The following FBXW4 variants were observed in gnomAD, a reference collection of about 807,000 sequenced individuals.
The protein encoded by FBXW4 is F-box and WD repeat domain containing 4.
FBXW4 carries 40 observed loss-of-function variants against 61.8 expected under a neutral mutation model. The ratio of observed to expected loss-of-function variants is 0.65; its 90% CI spans 0.50 to 0.84. FBXW4 has a LOEUF of 0.84. Ranked by LOEUF, FBXW4 falls within the 40% of genes least tolerant of loss-of-function variation. FBXW4 has a pLI of 0.00. For missense variants in FBXW4, 672 were observed against 753.8 expected, an observed-to-expected ratio of 0.89 and a Z score of 1.27; for synonymous variants, 311 against 313.8, an observed-to-expected ratio of 0.99 and a Z score of 0.10.
intron 5 of FBXW4, among the ~76,000 whole-genome samples, chr10:101,664,466 T>G (rs1326544605): frequency 6.6e-6 from 1 of 152,204 alleles, no homozygotes; most frequent in Non-Finnish European, 1.5e-5. Context: ...TCCCCTCATA[T>G]TTTCCATGAG....
intron 5 of FBXW4, among the ~76,000 whole-genome samples, chr10:101,631,784 C>T (rs931760370): frequency 5.3e-5 from 8 of 152,128 alleles, no homozygotes; most frequent in Admixed American, 1.3e-4. Context: ...CATGCCACCA[C>T]GCCTGGCTAA....
At chr10:101,692,720 C>T (rs530222440) in intron 1 of FBXW4, among the ~76,000 whole-genome samples, 132 of 121,142 alleles carry the variant, frequency 1.1e-3, no homozygotes, top group African/African-American at 3.9e-3. Flanking sequence ...CACTCCAGCC[C>T]GGGCAACAAG....
At position 101,632,267 on chromosome 10, in the gene FBXW4, G is replaced by A. The variant is rs114260478; in HGVS notation, c.1236-7457C>T. Among the ~76,000 whole-genome samples, 178 of 152,172 alleles carry A rather than the reference G, an allele frequency of 1.2e-3. 1 individual carries two copies. Among genetic ancestry groups the A allele is most frequent in the African/African-American group, 4.0e-3 (166 of 41,510 alleles). On this transcript the variant is annotated intron_variant, in intron 5 of 8. Transcript: ENST00000331272. ...CAACCCAAGTGCATCAGGGCAGGAT[G>A]GTGCAAGTAGGTGCCTAGGTCAGGC...
intron 5 of FBXW4, among the ~76,000 whole-genome samples, chr10:101,658,966 A>AC (rs890038892): frequency 3.3e-4 from 50 of 152,152 alleles, no homozygotes; most frequent in African/African-American, 1.1e-3. Context: ...CATAAGTCAG[A>AC]CAGGGCTACA....
chr10:101,683,914 G>A (rs2064504841), intron 1 of FBXW4, among the ~76,000 whole-genome samples: 1 of 152,154 alleles, frequency 6.6e-6, no homozygotes, highest in Admixed American at 6.5e-5. Context: ...GCCAAGGAGG[G>A]GAAAACAGGG....
At chr10:101,617,452 C>G (rs915623356) in intron 6 of FBXW4, among the ~76,000 whole-genome samples, 1 of 152,184 alleles carries the variant, frequency 6.6e-6, no homozygotes, top group Non-Finnish European at 1.5e-5. Context: ...GTGAGAGAAT[C>G]AAGGGGACAG....
intron 1 of FBXW4, among the ~76,000 whole-genome samples, chr10:101,685,735 T>C (rs762350589): frequency 3.2e-4 from 48 of 152,226 alleles, no homozygotes; most frequent in Non-Finnish European, 5.4e-4. Context: ...TTTAATGTAC[T>C]ATCAAAAATT....
intron 1 of FBXW4, among the ~76,000 whole-genome samples, chr10:101,681,101 G>A (rs1564925777): frequency 6.6e-6 from 1 of 152,104 alleles, no homozygotes; most frequent in Non-Finnish European, 1.5e-5. Context: ...TAAATAACAG[G>A]TCTAGGCTGG....
At position 101,611,181 on chromosome 10, in the gene FBXW4, C is replaced by T. The variant is rs1475880810; in HGVS notation, c.*110G>A. 25 of 1,439,578 alleles carry T rather than the reference C, an allele frequency of 1.7e-5. No individual in the cohort carries two copies. The highest frequency in any genetic ancestry group is 2.7e-5 in the South Asian group (2 of 74,304). 89.2% of individuals were successfully genotyped at this position (1,439,578 alleles called of 1,614,324 possible). ...GGTGCCTGAGCACTGGGGTCACAGG[C>T]CCAGGAGCACAGTGGGGCAGTGAGG... On this transcript the variant is annotated 3_prime_UTR_variant, in exon 9 of 9. Transcript: ENST00000331272. This position sits in a 1 kb window ranked among gnomAD's most constrained non-coding sequence, Gnocchi z 4.9.
chr10:101,651,606 C>T (rs527529856), intron 5 of FBXW4, among the ~76,000 whole-genome samples: 34 of 152,196 alleles, frequency 2.2e-4, no homozygotes, highest in African/African-American at 7.7e-4. Flanking sequence ...TCTCTGCCCC[C>T]CTCCTTCCCT....
chr10:101,627,296 AGAGG>A (rs1197614023), intron 5 of FBXW4, among the ~76,000 whole-genome samples: 1 of 152,202 alleles, frequency 6.6e-6, no homozygotes, highest in African/African-American at 2.4e-5. Flanking sequence ...AGGAGAAAAA[AGAGG>A]GAGAGAAAGC....
At chr10:101,629,405 C>A (rs1422853170) in intron 5 of FBXW4, among the ~76,000 whole-genome samples, 1 of 151,924 alleles carries the variant, frequency 6.6e-6, no homozygotes, top group Non-Finnish European at 1.5e-5. Context: ...TGCCTCAGCA[C>A]CCCCAGTAGC....
At chr10:101,615,529 T>C (rs1283745709) in intron 6 of FBXW4, among the ~76,000 whole-genome samples, 1 of 151,974 alleles carries the variant, frequency 6.6e-6, no homozygotes, top group Non-Finnish European at 1.5e-5. Flanking sequence ...GCTCTGACCG[T>C]GTGCAGGCTG....
intron 1 of FBXW4, among the ~76,000 whole-genome samples, chr10:101,681,388 C>CAAAAA (rs769305940): frequency 7.5e-6 from 1 of 134,178 alleles, no homozygotes; most frequent in Non-Finnish European, 1.6e-5. Flanking sequence ...AACTCCGTCT[C>CAAAAA]AAAAAAAAAA....
At chr10:101,622,162 A>AAG (rs1259202764) in intron 6 of FBXW4, among the ~76,000 whole-genome samples, 2 of 152,064 alleles carry the variant, frequency 1.3e-5, no homozygotes, top group Non-Finnish European at 2.9e-5. Flanking sequence ...TTTCAAAAAA[A>AAG]AAAAAAAAAG....
chr10:101,639,422 T>C (rs1177572697), intron 5 of FBXW4, among the ~76,000 whole-genome samples: 1 of 152,238 alleles, frequency 6.6e-6, no homozygotes, highest in Non-Finnish European at 1.5e-5. Flanking sequence ...GTTTAAGAGT[T>C]GGTAGCCAAG....
intron 6 of FBXW4, among the ~76,000 whole-genome samples, chr10:101,616,679 G>A (rs544054887): frequency 4.6e-5 from 7 of 152,352 alleles, no homozygotes; most frequent in African/African-American, 1.7e-4. Flanking sequence ...AGGCTGTTTT[G>A]GCGGCAGCTG....
chr10:101,622,155 C>CAAAAAAAAAAAAAA (rs147071681), intron 6 of FBXW4, among the ~76,000 whole-genome samples: 1 of 99,412 alleles, frequency 1.0e-5, no homozygotes. Flanking sequence ...ATGGATTTTT[C>CAAAAAAAAAAAAAA]AAAAAAAAAA....
intron 5 of FBXW4, among the ~76,000 whole-genome samples, chr10:101,646,770 G>T (rs994906108): frequency 1.3e-5 from 2 of 152,168 alleles, no homozygotes; most frequent in Non-Finnish European, 1.5e-5. Context: ...AAAGGTTTGG[G>T]GGTTTTACAT....
Sources: gnomAD v4.1 joint callset for allele counts (sites outside exome capture counted in the v4.1 genomes callset) on GRCh38, gnomAD v4.1.1 for gene constraint, Gnocchi (gnomAD v3.1) non-coding constraint, MANE v1.5 for transcripts, NCBI Gene and HGNC (gene_info 2026-07-23, HGNC 2026-07-21) for gene names.